Variants in DGKB observed in about 807,000 individuals in gnomAD.
The protein encoded by DGKB is diacylglycerol kinase beta.
In DGKB, 67 loss-of-function variants were observed where a neutral mutation model predicts 114.3. That is an observed-to-expected ratio of 0.59 (90% CI 0.48 to 0.72). DGKB has a LOEUF of 0.72. DGKB is among the 30% of genes least tolerant of loss of function. The pLI is 0.00. For missense variants in DGKB, 907 were observed against 975.2 expected (o/e 0.93, Z 0.93); for synonymous variants, 398 against 323.1 (o/e 1.23, Z -2.49).
At chr7:14,536,065 T>A (rs907675110) in intron 20 of DGKB, among the ~76,000 whole-genome samples, 2 of 151,926 alleles carry the variant, frequency 1.3e-5, no homozygotes, top group Non-Finnish European at 2.9e-5. Flanking sequence ...AAGAAATGAA[T>A]AAATCCATAG....
intron 13 of DGKB, among the ~76,000 whole-genome samples, chr7:14,658,996 G>A (rs186444506): frequency 1.3e-5 from 2 of 151,726 alleles, no homozygotes; most frequent in East Asian, 1.9e-4. Flanking sequence ...GTGGTTTGCT[G>A]CACCTATCAA....
intron 4 of DGKB, among the ~76,000 whole-genome samples, chr7:14,737,341 G>C (rs570972418): frequency 1.1e-4 from 16 of 145,864 alleles, no homozygotes; most frequent in Non-Finnish European, 2.1e-4. Context: ...AGATGCAAGA[G>C]GAAATTTGGC....
chr7:14,195,784 A>G (rs1784927011), intron 23 of DGKB, among the ~76,000 whole-genome samples: 1 of 152,178 alleles, frequency 6.6e-6, no homozygotes, highest in African/African-American at 2.4e-5. Flanking sequence ...GATGAGGAAA[A>G]GTGATTTACA....
At chr7:14,822,934 C>T (rs1586735155) in intron 2 of DGKB, among the ~76,000 whole-genome samples, 1 of 151,974 alleles carries the variant, frequency 6.6e-6, no homozygotes, top group South Asian at 2.1e-4. Flanking sequence ...TATTTTTCTA[C>T]ATAATATCTT....
Position 14,742,679 on chromosome 7 carries a change from T to C in DGKB, c.169-6485A>G, listed in dbSNP as rs546415090. Among the ~76,000 whole-genome samples, 4 of 152,312 alleles carry C rather than the reference T, an allele frequency of 2.6e-5. No individual in the cohort carries two copies. The East Asian group carries it at 5.8e-4, about 22-fold the overall frequency. On this transcript the variant is annotated intron_variant, in intron 4 of 25. Coordinates refer to ENST00000402815, the MANE Select transcript of DGKB (RefSeq NM_001350709.2). Reference sequence around the variant, plus strand: ...GAACAGGCTAGAAGGAATCAAACTTTATTGGTGCCTAGTACATAATTAAAA... The same window carrying C: ...GAACAGGCTAGAAGGAATCAAACTTCATTGGTGCCTAGTACATAATTAAAA...
At chr7:14,393,489 T>G (rs1331913504) in intron 21 of DGKB, among the ~76,000 whole-genome samples, 1 of 152,186 alleles carries the variant, frequency 6.6e-6, no homozygotes, top group African/African-American at 2.4e-5. Flanking sequence ...AATTTATTCT[T>G]TCTTTTGATG....
chr7:14,416,847 T>G (rs562586142), intron 21 of DGKB, among the ~76,000 whole-genome samples: 1 of 152,244 alleles, frequency 6.6e-6, no homozygotes, highest in South Asian at 2.1e-4. Flanking sequence ...CATGCACAGG[T>G]AATTTTACTC....
intron 2 of DGKB, among the ~76,000 whole-genome samples, chr7:14,798,714 T>C (rs1340708459): frequency 1.3e-5 from 2 of 152,172 alleles, no homozygotes; most frequent in African/African-American, 4.8e-5. Flanking sequence ...ACAGGACTTA[T>C]GGTTCTCAGT....
intron 21 of DGKB, among the ~76,000 whole-genome samples, chr7:14,452,769 T>G: frequency 6.6e-6 from 1 of 152,032 alleles, no homozygotes; most frequent in East Asian, 1.9e-4. Flanking sequence ...AGAAATGCAT[T>G]GTTTGGAAAT....
chr7:14,848,660 G>C (rs2128153979), intron 1 of DGKB, among the ~76,000 whole-genome samples: 1 of 152,204 alleles, frequency 6.6e-6, no homozygotes, highest in South Asian at 2.1e-4. Flanking sequence ...GTACTTCTTA[G>C]AGCCTGTACT....
chr7:14,833,208 A>T, intron 2 of DGKB, among the ~76,000 whole-genome samples: 1 of 152,090 alleles, frequency 6.6e-6, no homozygotes, highest in East Asian at 1.9e-4. Flanking sequence ...TGCCCTAGTA[A>T]AATAATCTCC....
At chr7:14,517,775 G>C (rs1789079747) in intron 20 of DGKB, among the ~76,000 whole-genome samples, 1 of 152,174 alleles carries the variant, frequency 6.6e-6, no homozygotes, top group Non-Finnish European at 1.5e-5. Flanking sequence ...TCCCATACCA[G>C]TCAGAATGGC....
intron 2 of DGKB, among the ~76,000 whole-genome samples, chr7:14,795,205 G>A (rs557017186): frequency 2.6e-5 from 4 of 152,262 alleles, no homozygotes; most frequent in African/African-American, 4.8e-5. Flanking sequence ...TAAGGATGTG[G>A]GATAATGGTG....
chr7:14,818,258 G>A (rs1844439744), intron 2 of DGKB, among the ~76,000 whole-genome samples: 1 of 152,098 alleles, frequency 6.6e-6, no homozygotes, highest in Non-Finnish European at 1.5e-5. Context: ...GTAGTTTAAA[G>A]GTATTTTCCA....
At chr7:14,766,748 G>A (rs893997004) in intron 2 of DGKB, among the ~76,000 whole-genome samples, 2 of 151,812 alleles carry the variant, frequency 1.3e-5, no homozygotes, top group African/African-American at 2.4e-5. Context: ...TGAGTTTTGA[G>A]TCTCAGTTCA....
chr7:14,314,267 A>G (rs975679646), intron 23 of DGKB, among the ~76,000 whole-genome samples: 1 of 152,208 alleles, frequency 6.6e-6, no homozygotes, highest in African/African-American at 2.4e-5. Context: ...CAGCAACGGA[A>G]CAAAGCTGGA....
intron 23 of DGKB, among the ~76,000 whole-genome samples, chr7:14,201,614 G>C (rs1263051581): frequency 6.6e-6 from 1 of 151,936 alleles, no homozygotes; most frequent in East Asian, 1.9e-4. Flanking sequence ...CACCAACTAA[G>C]ATGCAAAATC....
intron 2 of DGKB, among the ~76,000 whole-genome samples, chr7:14,827,715 G>A (rs1461612980): frequency 6.6e-6 from 1 of 152,000 alleles, no homozygotes; most frequent in Non-Finnish European, 1.5e-5. Flanking sequence ...AAGACTTATG[G>A]GGGGTATGGT....
intron 1 of DGKB, among the ~76,000 whole-genome samples, chr7:14,909,979 G>C (rs1394277602): frequency 6.6e-6 from 1 of 151,960 alleles, no homozygotes; most frequent in South Asian, 2.1e-4. Context: ...GGCCGAGGTG[G>C]GTGGATCACT....
Sources: allele counts gnomAD v4.1 joint callset (sites outside exome capture counted in the v4.1 genomes callset), GRCh38; gene constraint gnomAD v4.1.1; transcripts MANE v1.5; gene names NCBI Gene and HGNC (gene_info 2026-07-23, HGNC 2026-07-21).